The following DNAH14 variants were observed in gnomAD, a reference collection of about 807,000 sequenced individuals.
DNAH14 encodes the protein axonemal beta dynein heavy chain 14.
In DNAH14, 478 loss-of-function variants were observed where a neutral mutation model predicts 520.9. That is an observed-to-expected ratio of 0.92 (90% CI 0.85 to 0.99). The LOEUF (loss-of-function observed/expected upper bound fraction) is 0.99. DNAH14 is among the 50% of genes least tolerant of loss of function. The probability of loss-of-function intolerance (pLI) is 0.00; values close to 1 mark genes in which losing one functional copy is unlikely to be tolerated. For missense variants in DNAH14, 4,831 were observed against 5,234.5 expected, an observed-to-expected ratio of 0.92 and a Z score of 2.38; for synonymous variants, 1,581 against 1,757.2, an observed-to-expected ratio of 0.90 and a Z score of 2.51.
At chr1:225,006,249 A>G (rs1023576480) in intron 9 of DNAH14, among the ~76,000 whole-genome samples, 1 of 152,116 alleles carries the variant, frequency 6.6e-6, no homozygotes, top group African/African-American at 2.4e-5. Flanking sequence ...GGACCCTGTT[A>G]TGATTGCGTT....
At chr1:225,188,089 A>G (rs1420485035) in intron 37 of DNAH14, among the ~76,000 whole-genome samples, 1 of 151,862 alleles carries the variant, frequency 6.6e-6, no homozygotes, top group African/African-American at 2.4e-5. Context: ...ATTGTTCTAT[A>G]TGTCTTTCCT....
At chr1:225,230,070 C>A (rs2149562942) in intron 41 of DNAH14, among the ~76,000 whole-genome samples, 1 of 151,912 alleles carries the variant, frequency 6.6e-6, no homozygotes, top group South Asian at 2.1e-4. Context: ...CTAAAAATAT[C>A]CATATACTCT....
At chr1:225,176,617 G>A (rs927623034) in intron 36 of DNAH14, among the ~76,000 whole-genome samples, 5 of 150,502 alleles carry the variant, frequency 3.3e-5, no homozygotes, top group Admixed American at 2.7e-4. Context: ...TGTTGTGGGA[G>A]GTAATTGAAT....
intron 84 of DNAH14, among the ~76,000 whole-genome samples, chr1:225,394,056 G>A (rs570051174): frequency 6.6e-6 from 1 of 151,922 alleles, no homozygotes; most frequent in Non-Finnish European, 1.5e-5. Flanking sequence ...TTCTGACCTC[G>A]TGATCCCCCT....
At chr1:224,967,730 G>A in intron 6 of DNAH14, 147 bp downstream of exon 6, 3 of 1,558,366 alleles carry the variant, frequency 1.9e-6, no homozygotes, top group Non-Finnish European at 2.6e-6. Context: ...CTCCTTGGGA[G>A]CATGTTATTT....
intron 67 of DNAH14, among the ~76,000 whole-genome samples, chr1:225,337,796 C>A (rs2095089695): frequency 6.6e-6 from 1 of 152,142 alleles, no homozygotes; most frequent in African/African-American, 2.4e-5. Context: ...AACAGGCATA[C>A]AATGTGTAAT....
At chr1:224,963,188 T>C (rs2060949804) in intron 4 of DNAH14, among the ~76,000 whole-genome samples, 1 of 152,138 alleles carries the variant, frequency 6.6e-6, no homozygotes, top group South Asian at 2.1e-4. Flanking sequence ...ATCTAGCCTG[T>C]TATGTAGGTT....
At chr1:225,149,622 G>T (rs2080292226) in intron 31 of DNAH14, among the ~76,000 whole-genome samples, 1 of 152,084 alleles carries the variant, frequency 6.6e-6, no homozygotes, top group Admixed American at 6.5e-5. Flanking sequence ...CCTTAGGAGA[G>T]ATCTTTCATC....
intron 23 of DNAH14, among the ~76,000 whole-genome samples, chr1:225,112,123 A>G (rs956090861): frequency 2.6e-5 from 4 of 151,808 alleles, no homozygotes; most frequent in African/African-American, 7.3e-5. Context: ...TGATTGATGG[A>G]CTCTCTTCAA....
chr1:225,097,695 A>T (rs1309211166), intron 22 of DNAH14, among the ~76,000 whole-genome samples: 1 of 151,878 alleles, frequency 6.6e-6, no homozygotes, highest in Non-Finnish European at 1.5e-5. Flanking sequence ...AATCACTTGA[A>T]CCTGGGAGGT....
At chr1:225,378,003 A>G (rs2095724757) in intron 79 of DNAH14, among the ~76,000 whole-genome samples, 1 of 152,070 alleles carries the variant, frequency 6.6e-6, no homozygotes, top group African/African-American at 2.4e-5. Flanking sequence ...TTTTATATCA[A>G]TCTAACAAGA....
intron 4 of DNAH14, among the ~76,000 whole-genome samples, chr1:224,963,084 C>A (rs980991006): frequency 1.3e-5 from 2 of 152,088 alleles, no homozygotes; most frequent in Admixed American, 1.3e-4. Context: ...GTTTATGGGC[C>A]ATTTATCTTT....
rs1553301362 is a variant in DNAH14 at position 225,290,692 on chromosome 1, T to TATA, written c.8469+612_8469+613insAAT. On this transcript the variant is annotated intron_variant, in intron 55 of 85. Coordinates refer to ENST00000682510, the MANE Select transcript of DNAH14 (RefSeq NM_001367479.1). ...ATATATATATATATATATATATATA[T>TATA]ATTTCCTCCAAGTCTGTGGCTTGTC... 5.8e-5 allele frequency among the ~76,000 whole-genome samples: 7 copies of TATA among 120,768 alleles called. No individual in the cohort carries two copies. The East Asian group carries it at 1.8e-3, about 31-fold the overall frequency. 79.2% of individuals were successfully genotyped at this position (120,768 alleles called of 152,430 possible).
chr1:224,943,877 T>C (rs1174410442), intron 1 of DNAH14, among the ~76,000 whole-genome samples: 1 of 152,218 alleles, frequency 6.6e-6, no homozygotes, highest in Non-Finnish European at 1.5e-5. Context: ...TTATAATTTC[T>C]GTTCTTTTAC....
intron 17 of DNAH14, among the ~76,000 whole-genome samples, chr1:225,073,665 G>A (rs1016478506): frequency 8.1e-6 from 1 of 123,050 alleles, no homozygotes; most frequent in Non-Finnish European, 1.6e-5. Flanking sequence ...TCAGTTTTTT[G>A]TTGTTGTTGT....
chr1:225,109,231 G>A (rs2148807730), intron 23 of DNAH14, among the ~76,000 whole-genome samples: 1 of 152,164 alleles, frequency 6.6e-6, no homozygotes, highest in South Asian at 2.1e-4. Flanking sequence ...TTTTAGGATA[G>A]TTTTTCTATT....
chr1:225,208,426 A>C (rs2087884554), intron 41 of DNAH14, among the ~76,000 whole-genome samples: 1 of 152,162 alleles, frequency 6.6e-6, no homozygotes, highest in Admixed American at 6.6e-5. Context: ...CAGTCAAGGA[A>C]CTCTCAGAAT....
chr1:225,193,371 C>T (rs1573886747), intron 38 of DNAH14, among the ~76,000 whole-genome samples: 1 of 152,108 alleles, frequency 6.6e-6, no homozygotes, highest in South Asian at 2.1e-4. Context: ...AGATAAAACA[C>T]ATTAACAAAA....
intron 74 of DNAH14, 90 bp downstream of exon 74, chr1:225,358,742 C>T: frequency 7.4e-7 from 1 of 1,354,850 alleles, no homozygotes; most frequent in Non-Finnish European, 1.0e-6. Context: ...TCCCCATAAT[C>T]CCCACATGTC....
Sources: allele counts gnomAD v4.1 joint callset (sites outside exome capture counted in the v4.1 genomes callset), GRCh38; gene constraint gnomAD v4.1.1; transcripts MANE v1.5; gene names NCBI Gene and HGNC (gene_info 2026-07-23, HGNC 2026-07-21).